Variants in ERBIN observed in about 807,000 individuals in gnomAD.
The protein encoded by ERBIN is erbb2 interacting protein.
ERBIN carries 60 observed loss-of-function variants against 158.4 expected under a neutral mutation model. The observed-to-expected ratio is 0.38, with a 90% CI of 0.31 to 0.47. The LOEUF (loss-of-function observed/expected upper bound fraction) is 0.47. Among genes scored for constraint, ERBIN ranks in the 20% least tolerant of loss-of-function variants. ERBIN has a pLI of 0.99. For synonymous variants in ERBIN, 594 were observed against 557.2 expected (o/e 1.07, Z -0.93); for missense variants, 1,610 against 1,648.0 (o/e 0.98, Z 0.40).
intron 1 of ERBIN, among the ~76,000 whole-genome samples, chr5:65,951,471 A>G (rs1746497043): frequency 6.6e-6 from 1 of 152,220 alleles, no homozygotes; most frequent in Non-Finnish European, 1.5e-5. Context: ...ACGTTCAGTT[A>G]AATAACTTCT....
intron 21 of ERBIN, among the ~76,000 whole-genome samples, chr5:66,066,841 G>A (rs7718396): frequency 1.3e-5 from 2 of 152,200 alleles, no homozygotes; most frequent in Non-Finnish European, 2.9e-5. Flanking sequence ...ACTCTACAAT[G>A]TGTTGTGACA....
In ERBIN at chr5:66,026,313, GA is replaced by G; in HGVS notation, c.1037del (p.Asn346IlefsTer2). The G allele has an allele frequency of 6.3e-7, 1 of 1,578,290 alleles. No individual in the cohort carries two copies. The highest frequency in any genetic ancestry group is 8.6e-7 in the Non-Finnish European group (1 of 1,166,052). On this transcript the variant is annotated frameshift_variant, in exon 13 of 26. Coordinates refer to ENST00000284037, the MANE Select transcript of ERBIN (RefSeq NM_001253697.2). LOFTEE classifies it high-confidence loss of function. ...TATTTCTCTTTCAGATTGGAAGCTG[GA>G]AAAATATAACTGTGCTGTTTCTCCA... The part of the protein sequence containing the change: ...QQLPPEIGSW[K>X]NITVLFLHSN...
At chr5:66,049,490 A>G (rs1052456452) in intron 19 of ERBIN, among the ~76,000 whole-genome samples, 6 of 152,086 alleles carry the variant, frequency 3.9e-5, no homozygotes, top group Admixed American at 3.9e-4. Context: ...TATACTAAAT[A>G]TTTTACGTGT....
chr5:66,078,344 C>T, intron 25 of ERBIN, 79 bp from the exon 26 acceptor site: 1 of 881,456 alleles, frequency 1.1e-6, no homozygotes, highest in Non-Finnish European at 1.8e-6. Flanking sequence ...TATTTTCTTC[C>T]AAGTTTGTGA....
At chr5:66,041,931 GA>G (rs1367190962) in intron 15 of ERBIN, among the ~76,000 whole-genome samples, 1 of 151,408 alleles carries the variant, frequency 6.6e-6, no homozygotes, top group African/African-American at 2.4e-5. Flanking sequence ...AATTATAAGG[GA>G]AAAAAAATCT....
intron 1 of ERBIN, among the ~76,000 whole-genome samples, chr5:65,946,261 G>T (rs1282828338): frequency 3.3e-5 from 5 of 152,214 alleles, no homozygotes; most frequent in Non-Finnish European, 7.4e-5. Flanking sequence ...CTACTCAGGA[G>T]GCTAAGATGG....
intron 6 of ERBIN, among the ~76,000 whole-genome samples, chr5:66,014,326 C>CT (rs1754499989): frequency 6.6e-6 from 1 of 152,250 alleles, no homozygotes; most frequent in African/African-American, 2.4e-5. Flanking sequence ...CTCAGAGCAG[C>CT]ACTTTAGAGT....
chr5:65,936,740 A>G (rs1208364743), intron 1 of ERBIN, among the ~76,000 whole-genome samples: 1 of 152,224 alleles, frequency 6.6e-6, no homozygotes, highest in Non-Finnish European at 1.5e-5. Context: ...TTCCCCAATT[A>G]TAAAAATAAT....
At chr5:65,933,870 G>T (rs1262323637) in intron 1 of ERBIN, among the ~76,000 whole-genome samples, 1 of 151,962 alleles carries the variant, frequency 6.6e-6, no homozygotes, top group Non-Finnish European at 1.5e-5. Flanking sequence ...ATTTGACTAA[G>T]TTGCTAACAT....
intron 18 of ERBIN, among the ~76,000 whole-genome samples, chr5:66,047,596 A>G (rs1758573145): frequency 1.3e-5 from 2 of 152,144 alleles, no homozygotes; most frequent in Non-Finnish European, 2.9e-5. Context: ...TGCATTGTTC[A>G]CTGCAGTACA....
rs557428023 is a variant in ERBIN, at chr5:65,949,594, A to G, written c.-58+22788A>G. ...ACTGGATTAGTTGTCGTTTAGAAAA[A>G]CTTTATTTTGAAGTAATTATATATT... On this transcript the variant is annotated intron_variant, in intron 1 of 25. Transcript: ENST00000284037. Among the ~76,000 whole-genome samples the G allele has an allele frequency of 1.7e-4, 26 of 152,296 alleles. No individual in the cohort carries two copies. The South Asian group carries it at 5.0e-3, about 29-fold the overall frequency.
intron 21 of ERBIN, among the ~76,000 whole-genome samples, chr5:66,063,086 A>C (rs1760598887): frequency 1.3e-5 from 2 of 152,334 alleles, no homozygotes; most frequent in African/African-American, 4.8e-5. Flanking sequence ...GGGACATTTA[A>C]GTCTGCAGAG....
chr5:65,977,692 G>A (rs1750135383), intron 1 of ERBIN, among the ~76,000 whole-genome samples: 1 of 151,134 alleles, frequency 6.6e-6, no homozygotes, highest in Admixed American at 6.6e-5. Flanking sequence ...CAGGCAGAGG[G>A]GCTCCTCACT....
Position 66,080,449 on chromosome 5 carries a change from A to G in ERBIN, c.*1919A>G, listed in dbSNP as rs1762335741. The G allele has an allele frequency of 6.6e-6, 1 of 152,090 alleles. No individual in the cohort carries two copies. Among genetic ancestry groups the G allele is most frequent in the Non-Finnish European group, 1.5e-5 (1 of 67,850 alleles). 9.4% of individuals were successfully genotyped at this position (152,090 alleles called of 1,614,324 possible). A position where few individuals can be genotyped will look rare whatever the true frequency, so the allele number is the denominator to read the frequency against. ...GAAGAAATGTGCTGTATTTTGATAA[A>G]ATTCACTTATTGTATGTGTGTTGTA... On this transcript the variant is annotated 3_prime_UTR_variant, in exon 26 of 26. Coordinates refer to ENST00000284037, the MANE Select transcript of ERBIN (RefSeq NM_001253697.2).
chr5:65,963,424 C>T (rs191821344), intron 1 of ERBIN, among the ~76,000 whole-genome samples: 2 of 152,140 alleles, frequency 1.3e-5, no homozygotes, highest in South Asian at 2.1e-4. Context: ...CGTGAAACCC[C>T]GTCTCTACTA....
chr5:66,056,931 T>A (rs1044309698), intron 21 of ERBIN, among the ~76,000 whole-genome samples: 16 of 152,188 alleles, frequency 1.1e-4, no homozygotes, highest in Non-Finnish European at 2.1e-4. Flanking sequence ...ACTGCATTCC[T>A]TTTAGGATAT....
intron 4 of ERBIN, among the ~76,000 whole-genome samples, chr5:66,002,130 T>C (rs1447652663): frequency 1.3e-5 from 2 of 152,146 alleles, no homozygotes; most frequent in Non-Finnish European, 2.9e-5. Context: ...CATGTCCCGG[T>C]AAAGGACATG....
At position 65,997,604 on chromosome 5, in the gene ERBIN, G is replaced by A. The variant is rs539276559; in HGVS notation, c.307+2740G>A. Among the ~76,000 whole-genome samples, 3 of 152,160 alleles carry A rather than the reference G, an allele frequency of 2.0e-5. No individual in the cohort carries two copies. In the South Asian group the frequency reaches 6.2e-4, roughly 32 times the overall value. On this transcript the variant is annotated intron_variant, in intron 4 of 25. Transcript: ENST00000284037. ...ATCACATGAGGATAAATTTTAAATG[G>A]TCTGACCAAATATAGGACTTTCACT... is the stretch of plus-strand genomic sequence containing the variant.
Position 66,018,585 on chromosome 5 carries a change from AT to A in ERBIN, c.534-2735del, listed in dbSNP as rs1305735552. Among the ~76,000 whole-genome samples the A allele has an allele frequency of 6.9e-5, 4 of 57,932 alleles. 2 individuals carry two copies. Among genetic ancestry groups the A allele is most frequent in the Non-Finnish European group, 1.1e-4 (4 of 36,194 alleles). 38.0% of individuals were successfully genotyped at this position (57,932 alleles called of 152,430 possible). A position where few individuals can be genotyped will look rare whatever the true frequency, so the allele number is the denominator to read the frequency against. ...ATATATATTATATTATATAATATAT[AT>A]TATATAATATATATTATATATACAT... On this transcript the variant is annotated intron_variant, in intron 7 of 25. Transcript: ENST00000284037.
Sources: gnomAD v4.1 joint callset for allele counts (sites outside exome capture counted in the v4.1 genomes callset) on GRCh38, gnomAD v4.1.1 for gene constraint, MANE v1.5 for transcripts, NCBI Gene and HGNC (gene_info 2026-07-23, HGNC 2026-07-21) for gene names.